Variants in NRCAM observed in about 807,000 individuals in gnomAD.
The protein encoded by NRCAM is NgCAM-related cell adhesion molecule.
NRCAM carries 83 observed loss-of-function variants against 156.5 expected under a neutral mutation model. The observed-to-expected ratio is 0.53, with a 90% CI of 0.44 to 0.64. NRCAM has a LOEUF of 0.64. Ranked by LOEUF, NRCAM falls within the 30% of genes least tolerant of loss-of-function variation. The pLI is 0.00. For missense variants in NRCAM, 1,417 were observed against 1,597.3 expected, an observed-to-expected ratio of 0.89 and a Z score of 1.92; for synonymous variants, 538 against 563.9, an observed-to-expected ratio of 0.95 and a Z score of 0.65.
At chr7:108,240,684 C>G (rs1314412426) in intron 3 of NRCAM, among the ~76,000 whole-genome samples, 2 of 152,170 alleles carry the variant, frequency 1.3e-5, no homozygotes, top group Admixed American at 6.5e-5. Context: ...ACAAACCTAG[C>G]TGGGCTCTGA....
chr7:108,239,812 C>A, intron 4 of NRCAM, 147 bp downstream of exon 4: 1 of 525,418 alleles, frequency 1.9e-6, no homozygotes, highest in South Asian at 2.4e-5. Context: ...TTATAAACAC[C>A]AGGTGCTGAA....
chr7:108,425,053 G>C (rs2154444058), intron 1 of NRCAM, among the ~76,000 whole-genome samples: 1 of 152,228 alleles, frequency 6.6e-6, no homozygotes, highest in East Asian at 1.9e-4. Flanking sequence ...TTAGAGTTCA[G>C]TAAAGTCTTC....
chr7:108,333,148 T>C (rs955210471), intron 2 of NRCAM, among the ~76,000 whole-genome samples: 3 of 152,230 alleles, frequency 2.0e-5, no homozygotes, highest in Non-Finnish European at 4.4e-5. Context: ...AAAACAAGGC[T>C]TATTACCATT....
At chr7:108,189,959 T>C (rs2070059020) in intron 19 of NRCAM, among the ~76,000 whole-genome samples, 2 of 152,168 alleles carry the variant, frequency 1.3e-5, no homozygotes, top group African/African-American at 4.8e-5. Context: ...GCTCACTTGT[T>C]TTTCAAAGGA....
intron 3 of NRCAM, among the ~76,000 whole-genome samples, chr7:108,277,130 G>A (rs796648321): frequency 6.6e-6 from 1 of 152,118 alleles, no homozygotes; most frequent in African/African-American, 2.4e-5. Flanking sequence ...ACTTCCCTTC[G>A]TGGGTAACCC....
chr7:108,332,085 T>C (rs1293249136), intron 2 of NRCAM, among the ~76,000 whole-genome samples: 3 of 152,182 alleles, frequency 2.0e-5, no homozygotes, highest in Admixed American at 6.5e-5. Flanking sequence ...TTCTCAACAC[T>C]GCAGATCTGC....
intron 1 of NRCAM, among the ~76,000 whole-genome samples, chr7:108,449,268 C>G (rs1030042277): frequency 6.6e-6 from 1 of 152,188 alleles, no homozygotes; most frequent in Non-Finnish European, 1.5e-5. Flanking sequence ...AATTTCAATT[C>G]GAACTAATCT....
chr7:108,376,589 A>G (rs950082878), intron 2 of NRCAM, among the ~76,000 whole-genome samples: 5 of 152,172 alleles, frequency 3.3e-5, no homozygotes, highest in Non-Finnish European at 7.4e-5. Flanking sequence ...GAGTCTACCA[A>G]TGAGCATCTG....
intron 1 of NRCAM, among the ~76,000 whole-genome samples, chr7:108,451,627 A>G (rs1455229337): frequency 6.6e-6 from 1 of 152,248 alleles, no homozygotes; most frequent in Non-Finnish European, 1.5e-5. Flanking sequence ...AGCATTACAA[A>G]GGAAGGAAAT....
intron 1 of NRCAM, among the ~76,000 whole-genome samples, chr7:108,432,641 G>T (rs922060791): frequency 3.3e-5 from 5 of 152,214 alleles, no homozygotes; most frequent in African/African-American, 4.8e-5. Context: ...GGTGGCTCTC[G>T]CCTGTAATCC....
chr7:108,449,905 AT>A (rs35011471), intron 1 of NRCAM, among the ~76,000 whole-genome samples: 2,170 of 148,208 alleles, frequency 0.015, 35 homozygotes, highest in African/African-American at 0.049. Context: ...CTAGAAATAG[AT>A]TTTTTTTTTT....
intron 1 of NRCAM, among the ~76,000 whole-genome samples, chr7:108,405,490 T>C (rs1003420021): frequency 6.6e-5 from 10 of 152,176 alleles, no homozygotes; most frequent in African/African-American, 2.4e-4. Flanking sequence ...TGCAACAATT[T>C]CATACGTGGA....
Position 108,194,147 on chromosome 7 carries a change from G to T in NRCAM, c.1655C>A (p.Pro552His). The change falls in exon 17 of 33, where the codon CCC (proline) becomes CAC (histidine). Residue 552 changes from proline to histidine, a missense_variant. Transcript: ENST00000379028. ...CCCTCTTTGCACAACTGCATATTCG[G>T]GCTGTTTAACGATCCATGTAGGATC... ...IKDPTWIVKQ[P>H]EYAVVQRGSM... The T allele has an allele frequency of 6.2e-7, 1 of 1,614,036 alleles. No individual in the cohort carries two copies. Among genetic ancestry groups the T allele is most frequent in the Non-Finnish European group, 8.5e-7 (1 of 1,179,904 alleles).
chr7:108,178,258 C>A, intron 25 of NRCAM, 146 bp from the exon 26 acceptor site: 1 of 674,322 alleles, frequency 1.5e-6, no homozygotes, highest in Non-Finnish European at 2.5e-6. Context: ...TAGTACAAAC[C>A]TGTGACAGGC....
intron 3 of NRCAM, among the ~76,000 whole-genome samples, chr7:108,301,060 C>T (rs1188140811): frequency 1.3e-5 from 2 of 151,768 alleles, no homozygotes; most frequent in Non-Finnish European, 2.9e-5. Context: ...TAAGGAAGAC[C>T]ATTATGTAAT....
At chr7:108,261,092 A>C (rs978265117) in intron 3 of NRCAM, among the ~76,000 whole-genome samples, 2 of 152,198 alleles carry the variant, frequency 1.3e-5, no homozygotes, top group South Asian at 4.1e-4. Flanking sequence ...GGCTGAAAAC[A>C]AACTTAATCC....
chr7:108,362,291 G>T (rs192423031), intron 2 of NRCAM, among the ~76,000 whole-genome samples: 1 of 152,102 alleles, frequency 6.6e-6, no homozygotes, highest in Non-Finnish European at 1.5e-5. Flanking sequence ...TAATCCCATC[G>T]TGAGGGCCCT....
At chr7:108,281,567 G>C (rs544569828) in intron 3 of NRCAM, among the ~76,000 whole-genome samples, 1 of 152,216 alleles carries the variant, frequency 6.6e-6, no homozygotes, top group African/African-American at 2.4e-5. Flanking sequence ...AATTTGAAAG[G>C]ATGGCAGAGG....
intron 32 of NRCAM, among the ~76,000 whole-genome samples, chr7:108,154,247 C>A (rs1458371326): frequency 1.3e-5 from 2 of 152,094 alleles, no homozygotes; most frequent in Non-Finnish European, 2.9e-5. Context: ...AATATAGGGT[C>A]TTGAAACTGG....
Sources: allele counts gnomAD v4.1 joint callset (sites outside exome capture counted in the v4.1 genomes callset), GRCh38; gene constraint gnomAD v4.1.1; transcripts MANE v1.5; gene names NCBI Gene and HGNC (gene_info 2026-07-23, HGNC 2026-07-21).